Variants in RYR3 observed in about 807,000 individuals in gnomAD.
RYR3 encodes ryanodine receptor 3.
RYR3 carries 207 observed loss-of-function variants against 584.3 expected under a neutral mutation model. That is an observed-to-expected ratio of 0.35 (90% CI 0.32 to 0.40). RYR3 has a LOEUF of 0.40. Among genes scored for constraint, RYR3 ranks in the 10% least tolerant of loss-of-function variants. The pLI, the probability that RYR3 is intolerant of heterozygous loss-of-function variation, is 1.00. For missense variants in RYR3, 5,616 were observed against 6,089.2 expected, an observed-to-expected ratio of 0.92 and a Z score of 2.59; for synonymous variants, 2,416 against 2,248.5, an observed-to-expected ratio of 1.07 and a Z score of -2.11.
intron 10 of RYR3, among the ~76,000 whole-genome samples, chr15:33,556,568 A>G (rs1347910188): frequency 1.3e-5 from 2 of 152,152 alleles, no homozygotes; most frequent in Admixed American, 6.5e-5. Flanking sequence ...ATTCCCTTTG[A>G]CTCTTAGAAG....
Position 33,840,612 on chromosome 15 carries a change from G to A in RYR3, c.12979-213G>A. 5.0e-6 allele frequency: 3 copies of A among 594,924 alleles called. No individual in the cohort carries two copies. The East Asian group carries it at 8.5e-5, about 17-fold the overall frequency. The allele number at this position is 594,924 out of a possible 1,614,324, so 36.9% of individuals were successfully genotyped here. On this transcript the variant is annotated intron_variant, in intron 89 of 103. Coordinates refer to ENST00000634891, the MANE Select transcript of RYR3 (RefSeq NM_001036.6). ...GAATTGAGTAAGTTATAGAAGGGAG[G>A]TTGAGTTTTCAAGTTTCAAATCTTT...
intron 40 of RYR3, among the ~76,000 whole-genome samples, chr15:33,698,510 G>C (rs1207738476): frequency 6.6e-6 from 1 of 152,186 alleles, no homozygotes; most frequent in Non-Finnish European, 1.5e-5. Flanking sequence ...GAGTTGTGGG[G>C]ATAGGACACA....
At chr15:33,715,730 A>G (rs2067446462) in intron 43 of RYR3, among the ~76,000 whole-genome samples, 1 of 152,188 alleles carries the variant, frequency 6.6e-6, no homozygotes, top group African/African-American at 2.4e-5. Context: ...ATGTTGCTGC[A>G]TCCTCTGGAG....
intron 1 of RYR3, among the ~76,000 whole-genome samples, chr15:33,456,458 T>C (rs2047569182): frequency 6.6e-6 from 1 of 152,180 alleles, no homozygotes; most frequent in African/African-American, 2.4e-5. Flanking sequence ...TGTGATTGGT[T>C]GCCCAGGTTA....
intron 38 of RYR3, among the ~76,000 whole-genome samples, chr15:33,674,360 A>T (rs2064028709): frequency 6.6e-6 from 1 of 151,992 alleles, no homozygotes. Context: ...ACACACACAA[A>T]CACCTCCTCT....
At chr15:33,572,658 T>TATACACAC (rs533341248) in intron 12 of RYR3, among the ~76,000 whole-genome samples, 2,714 of 124,448 alleles carry the variant, frequency 0.022, 126 homozygotes, top group African/African-American at 0.084. Flanking sequence ...AAACTATATA[T>TATACACAC]ACACACACAC....
chr15:33,727,373 A>G (rs1156882450), intron 46 of RYR3, among the ~76,000 whole-genome samples: 2 of 152,206 alleles, frequency 1.3e-5, no homozygotes, highest in East Asian at 3.8e-4. Flanking sequence ...TATTCCACAG[A>G]AGGTTTTTGT....
chr15:33,584,424 T>G lies in RYR3; in HGVS notation c.1603T>G (p.Cys535Gly). 1 of 1,608,780 alleles carries G rather than the reference T, an allele frequency of 6.2e-7. No homozygotes were observed. The highest frequency in any genetic ancestry group is 8.5e-7 in the Non-Finnish European group (1 of 1,176,110). The change falls in exon 15 of 104, where the codon TGC (cysteine) becomes GGC (glycine). Residue 535 changes from cysteine (C) to glycine (G), a missense_variant. Cys to Gly is a radical substitution (Grantham distance 159, BLOSUM62 -3). This residue lies in a region of RYR3 where 1,284 missense variants were observed against 1,344.6 expected (regional missense o/e 0.95). Transcript: ENST00000634891. Reference sequence around the variant, plus strand: ...TCTCATTCGCGGAAACAGAAACAATTGCGCTCAATTCTCCAATAACCTTGA... The same window carrying G: ...TCTCATTCGCGGAAACAGAAACAATGGCGCTCAATTCTCCAATAACCTTGA... ...AALIRGNRNN[C>G]AQFSNNLDWL... is the part of the protein sequence containing the mutation.
chr15:33,461,696 C>T (rs774069753), intron 1 of RYR3, among the ~76,000 whole-genome samples: 1 of 152,158 alleles, frequency 6.6e-6, no homozygotes, highest in Non-Finnish European at 1.5e-5. Context: ...CATTTACTTA[C>T]AGCAGCTCAG....
intron 38 of RYR3, among the ~76,000 whole-genome samples, chr15:33,689,236 G>T (rs1220571816): frequency 4.5e-5 from 5 of 111,982 alleles, no homozygotes; most frequent in Middle Eastern, 6.2e-3. Context: ...GTGGGGGAGG[G>T]GGGAGGGATA....
chr15:33,498,531 G>A (rs536072631), intron 2 of RYR3, among the ~76,000 whole-genome samples: 1 of 152,044 alleles, frequency 6.6e-6, no homozygotes, highest in East Asian at 1.9e-4. Flanking sequence ...TTTTTTTGGC[G>A]GGGTGGGGAG....
chr15:33,392,129 G>A (rs1012613441), intron 1 of RYR3, among the ~76,000 whole-genome samples: 3 of 151,058 alleles, frequency 2.0e-5, no homozygotes, highest in African/African-American at 7.3e-5. Context: ...GCTGAAAAAA[G>A]GTTAGTGTCC....
intron 2 of RYR3, 126 bp downstream of exon 2, chr15:33,473,664 G>A: frequency 1.0e-6 from 1 of 957,562 alleles, no homozygotes; most frequent in Non-Finnish European, 1.5e-6. Context: ...TTTTTAAATG[G>A]GAAGCAGATC....
chr15:33,595,358 C>T (rs370376060), intron 16 of RYR3, among the ~76,000 whole-genome samples: 24 of 152,196 alleles, frequency 1.6e-4, no homozygotes, highest in East Asian at 5.8e-4. Flanking sequence ...ATATAACTTC[C>T]GTAAGCCTTT....
At chr15:33,836,773 A>ATGAGAAGG (rs2078080439) in intron 87 of RYR3, 133 bp from the exon 88 acceptor site, 2 of 617,428 alleles carry the variant, frequency 3.2e-6, no homozygotes, top group Non-Finnish European at 5.8e-6. Flanking sequence ...CTCATTCAGA[A>ATGAGAAGG]TGAGAAGGAA....
intron 1 of RYR3, among the ~76,000 whole-genome samples, chr15:33,428,826 G>T (rs1413039507): frequency 2.0e-5 from 3 of 152,134 alleles, no homozygotes; most frequent in Admixed American, 2.0e-4. Flanking sequence ...TAGCATAATT[G>T]TATAGGGTAC....
intron 1 of RYR3, among the ~76,000 whole-genome samples, chr15:33,421,406 G>A (rs906591897): frequency 9.9e-5 from 15 of 152,162 alleles, no homozygotes; most frequent in African/African-American, 3.4e-4. Context: ...ACCAAGGCCT[G>A]GACTAGGATA....
intron 9 of RYR3, among the ~76,000 whole-genome samples, 166 bp downstream of exon 9, chr15:33,548,370 A>G (rs1293444751): frequency 6.6e-6 from 1 of 152,240 alleles, no homozygotes; most frequent in East Asian, 1.9e-4. Flanking sequence ...AAGAACACAC[A>G]CACACACAAT....
intron 16 of RYR3, among the ~76,000 whole-genome samples, chr15:33,598,972 G>T (rs567964721): frequency 2.0e-5 from 3 of 152,028 alleles, no homozygotes; most frequent in Non-Finnish European, 4.4e-5. Flanking sequence ...GGAGAATGGC[G>T]GGAACCCAGG....
Sources: gnomAD v4.1 joint callset for allele counts (sites outside exome capture counted in the v4.1 genomes callset) on GRCh38, gnomAD v4.1.1 for gene constraint, gnomAD v4.1.1 regional missense constraint, MANE v1.5 for transcripts, NCBI Gene and HGNC (gene_info 2026-07-23, HGNC 2026-07-21) for gene names.